Variants in PTCD2 observed in about 807,000 individuals in gnomAD.
PTCD2 encodes pentatricopeptide repeat domain 2.
A neutral mutation model predicts 42.6 loss-of-function variants in PTCD2; 31 were observed. The observed-to-expected ratio is 0.73, with a 90% confidence interval of 0.55 to 0.98. The LOEUF (loss-of-function observed/expected upper bound fraction) is 0.98. Among genes scored for constraint, PTCD2 ranks in the 50% least tolerant of loss-of-function variants. The pLI is 0.00. For missense variants in PTCD2, 476 were observed against 454.8 expected, an observed-to-expected ratio of 1.05 and a Z score of -0.42; for synonymous variants, 183 against 170.9, an observed-to-expected ratio of 1.07 and a Z score of -0.55.
In PTCD2 at chr5:72,358,739, G is replaced by A. The variant is rs1753010696; in HGVS notation, c.*312G>A. The A allele has an allele frequency of 8.5e-6, 3 of 351,750 alleles. No individual in the cohort carries two copies. In the South Asian group the frequency reaches 1.3e-4, roughly 15 times the overall value. 21.8% of individuals were successfully genotyped at this position (351,750 alleles called of 1,614,324 possible). A position where few individuals can be genotyped will look rare whatever the true frequency, so the allele number is the denominator to read the frequency against. Reference sequence around the variant, plus strand: ...GAGTGGAACCCAGTAAGCACCATCAGGAATGAATTTCACTACAAGTGTGGA... The same window carrying A: ...GAGTGGAACCCAGTAAGCACCATCAAGAATGAATTTCACTACAAGTGTGGA... On this transcript the variant is annotated 3_prime_UTR_variant, in exon 10 of 10. Transcript: ENST00000380639.
At position 72,364,980 on chromosome 5, in the gene PTCD2, C is replaced by G. The variant is rs1388758258; in HGVS notation, c.*6553C>G. 1.3e-5 allele frequency: 2 copies of G among 152,318 alleles called. No homozygotes were observed. The highest frequency in any genetic ancestry group is 2.1e-4 in the South Asian group (1 of 4,836). 9.4% of individuals were successfully genotyped at this position (152,318 alleles called of 1,614,324 possible). On this transcript the variant is annotated 3_prime_UTR_variant, in exon 10 of 10. Coordinates refer to ENST00000380639, the MANE Select transcript of PTCD2 (RefSeq NM_024754.5). Reference sequence around the variant, plus strand: ...AGAGGATCAAAGCGCTGCTGAACTGCTCACCTCCCCGCTTGGCCTGCCTTG... The same window carrying G: ...AGAGGATCAAAGCGCTGCTGAACTGGTCACCTCCCCGCTTGGCCTGCCTTG...
intron 2 of PTCD2, among the ~76,000 whole-genome samples, chr5:72,322,607 C>T (rs1750920021): frequency 6.6e-6 from 1 of 152,146 alleles, no homozygotes; most frequent in East Asian, 1.9e-4. Context: ...GAGAGAAAGG[C>T]CCCAGATCAT....
Position 72,358,729 on chromosome 5 carries a change from A to T in PTCD2, c.*302A>T. 2 of 383,766 alleles carry T rather than the reference A, an allele frequency of 5.2e-6. No homozygotes were observed. The allele number at this position is 383,766 out of a possible 1,614,324, so 23.8% of individuals were successfully genotyped here. A position where few individuals can be genotyped will look rare whatever the true frequency, so the allele number is the denominator to read the frequency against. On this transcript the variant is annotated 3_prime_UTR_variant, in exon 10 of 10. Coordinates refer to ENST00000380639, the MANE Select transcript of PTCD2 (RefSeq NM_024754.5). ...TCCGACACCAGAGTGGAACCCAGTA[A>T]GCACCATCAGGAATGAATTTCACTA...
rs930101804 is a variant in PTCD2 at position 72,363,207 on chromosome 5, C to T, written c.*4780C>T. The stretch of plus-strand genomic sequence containing the variant: ...ATGTTCAATCTTTTTGCGTATCTTC[C>T]TCCTACCTTTTCATAGCCAAGATGA... On this transcript the variant is annotated 3_prime_UTR_variant, in exon 10 of 10. Transcript: ENST00000380639. 4 of 152,146 alleles carry T rather than the reference C, an allele frequency of 2.6e-5. No individual in the cohort carries two copies. Among genetic ancestry groups the T allele is most frequent in the African/African-American group, 9.7e-5 (4 of 41,440 alleles). The allele number at this position is 152,146 out of a possible 1,614,324, so 9.4% of individuals were successfully genotyped here. A position where few individuals can be genotyped will look rare whatever the true frequency, so the allele number is the denominator to read the frequency against.
Position 72,335,086 on chromosome 5 carries a change from C to G in PTCD2, c.537C>G (p.Gly179=), listed in dbSNP as rs751926262. ...TGATGGATATGTTATTTATCAAAGG[C>G]AAATATAAAAGTAAGTACTGCAATT... The part of the protein sequence containing the change: ...NILMDMLFIK[G]KYKSALQVLI... The change falls in exon 5 of 10, where the codon GGC becomes GGG. Residue 179 remains glycine (G), a synonymous_variant. Transcript: ENST00000380639. The G allele has an allele frequency of 1.9e-6, 3 of 1,556,596 alleles. No homozygotes were observed. In the Admixed American group the frequency reaches 5.0e-5, roughly 26 times the overall value.
chr5:72,331,186 C>A lies in PTCD2; in HGVS notation c.351-72C>A, dbSNP rs1375665733. The A allele has an allele frequency of 7.4e-6, 7 of 951,652 alleles. No homozygotes were observed. The East Asian group carries it at 1.7e-4, about 23-fold the overall frequency. 59.0% of individuals were successfully genotyped at this position (951,652 alleles called of 1,614,324 possible). A position where few individuals can be genotyped will look rare whatever the true frequency, so the allele number is the denominator to read the frequency against. On this transcript the variant is annotated intron_variant, in intron 3 of 9. Coordinates refer to ENST00000380639, the MANE Select transcript of PTCD2 (RefSeq NM_024754.5). ...TTGTGTCCCAGTACCTGGCACAGTA[C>A]CTGCCATAGTCTGTGTCTGTCCTTT...
At chr5:72,320,950 C>G (rs1015320686) in intron 1 of PTCD2, 1 of 168,068 alleles carries the variant, frequency 5.9e-6, no homozygotes, top group Admixed American at 5.8e-5. Flanking sequence ...GGACTACAGG[C>G]GTGCGCCACC....
intron 6 of PTCD2, among the ~76,000 whole-genome samples, chr5:72,337,936 A>G (rs1403998171): frequency 1.3e-5 from 2 of 152,176 alleles, no homozygotes; most frequent in Admixed American, 6.5e-5. Flanking sequence ...TTCCACATCA[A>G]TTCTGGGAAC....
At chr5:72,324,470 AGTTCT>A (rs1374494477) in intron 2 of PTCD2, among the ~76,000 whole-genome samples, 1 of 151,978 alleles carries the variant, frequency 6.6e-6, no homozygotes, top group African/African-American at 2.4e-5. Context: ...TGTCATTCCC[AGTTCT>A]GTTCTGTTGC....
At chr5:72,354,473 A>G (rs2112230435) in intron 9 of PTCD2, among the ~76,000 whole-genome samples, 1 of 150,094 alleles carries the variant, frequency 6.7e-6, no homozygotes, top group Admixed American at 6.6e-5. Context: ...AGAGATGTGG[A>G]CAGAATTTAC....
At chr5:72,351,173 T>G (rs1311690434) in intron 8 of PTCD2, among the ~76,000 whole-genome samples, 6 of 152,226 alleles carry the variant, frequency 3.9e-5, no homozygotes, top group Non-Finnish European at 1.5e-5. Context: ...TTCTCAGTTA[T>G]TCTCACTTTC....
At chr5:72,345,445 A>G (rs1194021365) in intron 8 of PTCD2, among the ~76,000 whole-genome samples, 2 of 152,204 alleles carry the variant, frequency 1.3e-5, no homozygotes, top group Admixed American at 1.3e-4. Context: ...GGCGACATAC[A>G]TCCTCCTCAG....
intron 8 of PTCD2, among the ~76,000 whole-genome samples, chr5:72,348,373 A>C (rs1366386273): frequency 6.6e-6 from 1 of 152,224 alleles, no homozygotes; most frequent in Non-Finnish European, 1.5e-5. Flanking sequence ...ATACTTTAAA[A>C]ATTAATGCTT....
Position 72,358,336 on chromosome 5 carries a change from G to C in PTCD2, c.1076G>C (p.Arg359Thr), listed in dbSNP as rs761434586. 1 of 1,614,008 alleles carries C rather than the reference G, an allele frequency of 6.2e-7. No homozygotes were observed. The highest frequency in any genetic ancestry group is 1.7e-5 in the Admixed American group (1 of 59,998). ...GATGCTGTGCTCTGCCACACCCCCAGGGACAGGAAATCTCACACGTTGCTA... is the reference window on the plus strand; with the variant it reads ...GATGCTGTGCTCTGCCACACCCCCACGGACAGGAAATCTCACACGTTGCTA... Reference protein sequence around the residue: ...SLDAVLCHTPRDRKSHTLLLN... With the variant: ...SLDAVLCHTPTDRKSHTLLLN... Residue 359 changes from arginine (R) to threonine (T), a missense_variant, in exon 10 of 10, where the codon AGG becomes ACG. Physicochemically the swap from Arg to Thr is moderately conservative, Grantham distance 71. Coordinates refer to ENST00000380639, the MANE Select transcript of PTCD2 (RefSeq NM_024754.5).
chr5:72,357,358 T>A (rs1752925996), intron 9 of PTCD2, among the ~76,000 whole-genome samples: 1 of 152,190 alleles, frequency 6.6e-6, no homozygotes, highest in Non-Finnish European at 1.5e-5. Context: ...CTCCAAAATA[T>A]ACCTCACATA....
rs1343717059 is a variant in PTCD2, at chr5:72,363,801, A to G, written c.*5374A>G. 1 of 152,240 alleles carries G rather than the reference A, an allele frequency of 6.6e-6. No homozygotes were observed. The highest frequency in any genetic ancestry group is 2.4e-5 in the African/African-American group (1 of 41,458). 9.4% of individuals were successfully genotyped at this position (152,240 alleles called of 1,614,324 possible). A position where few individuals can be genotyped will look rare whatever the true frequency, so the allele number is the denominator to read the frequency against. ...TATCCATTTATTTTTTCAAATATACATAAAGAAATCCATACAAACTAAGGC... is the reference window on the plus strand; with the variant it reads ...TATCCATTTATTTTTTCAAATATACGTAAAGAAATCCATACAAACTAAGGC... On this transcript the variant is annotated 3_prime_UTR_variant, in exon 10 of 10. Transcript: ENST00000380639.
chr5:72,340,528 A>G (rs1752000873), intron 7 of PTCD2, among the ~76,000 whole-genome samples: 1 of 152,184 alleles, frequency 6.6e-6, no homozygotes. Context: ...ACTCTGTACT[A>G]TAGCCATACT....
chr5:72,356,541 A>T (rs370860002), intron 9 of PTCD2, among the ~76,000 whole-genome samples: 1 of 152,358 alleles, frequency 6.6e-6, no homozygotes, highest in East Asian at 1.9e-4. Context: ...GCCAGCAGTT[A>T]TTTAAAAAGT....
Position 72,335,017 on chromosome 5 carries a change from G to A in PTCD2, c.469-1G>A. The A allele has an allele frequency of 1.9e-6, 3 of 1,577,676 alleles. No homozygotes were observed. The highest frequency in any genetic ancestry group is 2.6e-6 in the Non-Finnish European group (3 of 1,147,690). ...CAAACTGTATTGTTCTTCTTCGTTA[G>A]CATTTACGAGGTTTCTTCTCAGACT... On this transcript the variant is annotated splice_acceptor_variant, in intron 4 of 9. Transcript: ENST00000380639. LOFTEE classifies it high-confidence loss of function.
Sources: allele counts gnomAD v4.1 joint callset (sites outside exome capture counted in the v4.1 genomes callset), GRCh38; gene constraint gnomAD v4.1.1; transcripts MANE v1.5; gene names NCBI Gene and HGNC (gene_info 2026-07-23, HGNC 2026-07-21).